RECQL: variants seen among roughly 807,000 people sequenced by gnomAD.
RECQL encodes RecQ like helicase, also known as ATP-dependent DNA helicase Q1.
In RECQL, 73 loss-of-function variants were observed where a neutral mutation model predicts 75.8. The ratio of observed to expected loss-of-function variants is 0.96; its 90% CI spans 0.80 to 1.17. The LOEUF (loss-of-function observed/expected upper bound fraction) is 1.17. Among genes scored for constraint, RECQL ranks in the 50% most tolerant of loss-of-function variants. RECQL has a pLI of 0.00. For synonymous variants in RECQL, 248 were observed against 254.4 expected (o/e 0.97, Z 0.24); for missense variants, 699 against 772.1 (o/e 0.91, Z 1.12).
chr12:21,498,404 T>A (rs1196444278), intron 2 of RECQL, among the ~76,000 whole-genome samples: 1 of 152,182 alleles, frequency 6.6e-6, no homozygotes, highest in Admixed American at 6.5e-5. Context: ...AGTGAAATTT[T>A]TGCTTCCCAT....
chr12:21,497,795 T>G (rs1409109708), intron 2 of RECQL, among the ~76,000 whole-genome samples: 2 of 152,180 alleles, frequency 1.3e-5, no homozygotes, highest in Non-Finnish European at 2.9e-5. Flanking sequence ...GGACTGCCAC[T>G]CACGAAGACC....
chr12:21,477,780 G>C, intron 7 of RECQL, 23 bp downstream of exon 7: 1 of 1,564,024 alleles, frequency 6.4e-7, no homozygotes, highest in Non-Finnish European at 8.7e-7. Context: ...CAAAAGTAAG[G>C]AATTGACATA....
chr12:21,493,509 T>C (rs950924473), intron 2 of RECQL, among the ~76,000 whole-genome samples: 1 of 152,122 alleles, frequency 6.6e-6, no homozygotes, highest in African/African-American at 2.4e-5. Context: ...GGGCCAATAT[T>C]TTGGAAAAAT....
At chr12:21,497,007 G>A (rs1943521265) in intron 2 of RECQL, among the ~76,000 whole-genome samples, 1 of 152,162 alleles carries the variant, frequency 6.6e-6, no homozygotes, top group African/African-American at 2.4e-5. Flanking sequence ...AAGGATTTTA[G>A]AGCAAAGCTC....
intron 2 of RECQL, 124 bp from the exon 3 acceptor site, chr12:21,491,840 T>C: frequency 1.1e-5 from 9 of 849,716 alleles, no homozygotes; most frequent in Non-Finnish European, 1.4e-5. Flanking sequence ...TATAGCAGAA[T>C]GGTTATGAGC....
chr12:21,482,838 T>G (rs1192255932), intron 6 of RECQL, among the ~76,000 whole-genome samples: 1 of 152,190 alleles, frequency 6.6e-6, no homozygotes, highest in Non-Finnish European at 1.5e-5. Flanking sequence ...AGTAACTTAC[T>G]TTAGGCTATG....
At chr12:21,498,765 G>A (rs998776452) in intron 2 of RECQL, among the ~76,000 whole-genome samples, 5 of 152,296 alleles carry the variant, frequency 3.3e-5, no homozygotes, top group Admixed American at 2.6e-4. Context: ...ACTAAGGCAA[G>A]TAGTCCCCAC....
chr12:21,492,768 A>G (rs560066949), intron 2 of RECQL, among the ~76,000 whole-genome samples: 2 of 152,214 alleles, frequency 1.3e-5, no homozygotes, highest in Non-Finnish European at 2.9e-5. Context: ...GCTCCTGCTA[A>G]ATCTTGGTGG....
intron 2 of RECQL, among the ~76,000 whole-genome samples, chr12:21,494,544 G>C (rs1414462642): frequency 3.3e-5 from 5 of 152,144 alleles, no homozygotes; most frequent in African/African-American, 1.2e-4. Flanking sequence ...AAAGATGAAT[G>C]TCAGAAAATT....
intron 6 of RECQL, among the ~76,000 whole-genome samples, chr12:21,480,597 A>AC (rs1445796501): frequency 1.3e-5 from 2 of 152,024 alleles, no homozygotes; most frequent in East Asian, 3.9e-4. Flanking sequence ...CACACTACGC[A>AC]TCAGCTTTGC....
intron 4 of RECQL, among the ~76,000 whole-genome samples, chr12:21,489,660 C>T (rs547708609): frequency 3.9e-5 from 6 of 152,314 alleles, no homozygotes; most frequent in African/African-American, 1.4e-4. Context: ...AGAGCTGCTT[C>T]TCCTACAACA....
At chr12:21,487,047 T>G (rs749107293) in intron 4 of RECQL, among the ~76,000 whole-genome samples, 2 of 152,158 alleles carry the variant, frequency 1.3e-5, no homozygotes, top group Non-Finnish European at 2.9e-5. Context: ...TAAAGCTTAC[T>G]TCTTACTCTC....
Position 21,477,900 on chromosome 12 carries a change from G to C in RECQL, c.770C>G (p.Ala257Gly). 6.2e-7 allele frequency: 1 copy of C among 1,613,924 alleles called. No homozygotes were observed. The highest frequency in any genetic ancestry group is 8.5e-7 in the Non-Finnish European group (1 of 1,179,888). Residue 257 changes from alanine to glycine, a missense_variant, in exon 7 of 15, where the codon GCA becomes GGA. Physicochemically the swap from Ala to Gly is moderately conservative, Grantham distance 60 (BLOSUM62 0). Transcript: ENST00000444129. ...NASLIGLTAT[A>G]TNHVLTDAQK... is the part of the protein sequence containing the mutation. Reference sequence around the variant, plus strand: ...AGCATCCGTCAAAACGTGATTTGTTGCAGTTGCAGTCAGCCCAATTAGTGA... The same window carrying C: ...AGCATCCGTCAAAACGTGATTTGTTCCAGTTGCAGTCAGCCCAATTAGTGA...
chr12:21,483,204 C>CA (rs1199053277), intron 6 of RECQL, among the ~76,000 whole-genome samples, 172 bp downstream of exon 6: 2 of 152,028 alleles, frequency 1.3e-5, no homozygotes, highest in African/African-American at 2.4e-5. Context: ...ATCCCAAATC[C>CA]AAAAAAATCC....
intron 7 of RECQL, among the ~76,000 whole-genome samples, chr12:21,477,196 A>G (rs1028695323): frequency 6.6e-6 from 1 of 152,036 alleles, no homozygotes; most frequent in Non-Finnish European, 1.5e-5. Flanking sequence ...TTAATTTACC[A>G]GAGAAGAGCA....
Position 21,471,464 on chromosome 12 carries a change from T to A in RECQL, c.1631A>T (p.Lys544Met), listed in dbSNP as rs74067193. The A allele has an allele frequency of 1.4e-4, 225 of 1,613,064 alleles. No individual in the cohort carries two copies. The African/African-American group carries it at 2.6e-3, about 19-fold the overall frequency. ...CTGTATTAGAAAGTGTGCAATAATC[T>A]TCTCCAGATCTTCACGAGGAAGTGT... Reference protein sequence around the residue: ...APTLPREDLEKIIAHFLIQQY... With the variant: ...APTLPREDLEMIIAHFLIQQY... Residue 544 changes from lysine to methionine, a missense_variant, in exon 13 of 15, where the codon AAG becomes ATG. Physicochemically the swap from Lys to Met is moderately conservative, Grantham distance 95. Transcript: ENST00000444129.
intron 2 of RECQL, among the ~76,000 whole-genome samples, chr12:21,494,601 G>T (rs970407149): frequency 6.6e-6 from 1 of 152,122 alleles, no homozygotes; most frequent in African/African-American, 2.4e-5. Flanking sequence ...TGGAGCTCTG[G>T]AATTTCCTGG....
At chr12:21,473,455 C>T in intron 12 of RECQL, 96 bp downstream of exon 12, 2 of 919,256 alleles carry the variant, frequency 2.2e-6, no homozygotes, top group Non-Finnish European at 1.7e-6. Context: ...TGCACAATGA[C>T]AAAATCACCT....
intron 6 of RECQL, among the ~76,000 whole-genome samples, chr12:21,478,181 A>T (rs918950302): frequency 6.6e-6 from 1 of 152,194 alleles, no homozygotes; most frequent in Admixed American, 6.5e-5. Context: ...TGGACTCAAG[A>T]GACAGTGGGT....
Sources: gnomAD v4.1 joint callset for allele counts (sites outside exome capture counted in the v4.1 genomes callset) on GRCh38, gnomAD v4.1.1 for gene constraint, MANE v1.5 for transcripts, NCBI Gene and HGNC (gene_info 2026-07-23, HGNC 2026-07-21) for gene names.